SAMD7: variants seen among roughly 807,000 people sequenced by gnomAD.
The protein encoded by SAMD7 is sterile alpha motif domain-containing protein 7.
Under a neutral mutation model 36.7 loss-of-function variants are expected in SAMD7, and 34 were observed. That is an observed-to-expected ratio of 0.93 (90% confidence interval 0.71 to 1.23). The LOEUF (loss-of-function observed/expected upper bound fraction) is 1.23. Among genes scored for constraint, SAMD7 ranks in the 50% most tolerant of loss-of-function variants. The probability of loss-of-function intolerance (pLI) is 0.00; values close to 1 mark genes in which losing one functional copy is unlikely to be tolerated. For missense variants in SAMD7, 570 were observed against 546.6 expected (o/e 1.04, Z -0.43); for synonymous variants, 188 against 189.7 (o/e 0.99, Z 0.07).
chr3:169,937,992 G>A (rs1161821081), intron 8 of SAMD7, among the ~76,000 whole-genome samples: 4 of 152,126 alleles, frequency 2.6e-5, no homozygotes, highest in African/African-American at 9.7e-5. Flanking sequence ...CAAAGCCAAA[G>A]ACCTATGTCA....
intron 4 of SAMD7, among the ~76,000 whole-genome samples, chr3:169,923,959 A>G (rs1050480471): frequency 6.6e-6 from 1 of 152,236 alleles, no homozygotes; most frequent in Non-Finnish European, 1.5e-5. Context: ...TCTTGAGACC[A>G]GACCTCAGAG....
chr3:169,928,014 T>A lies in SAMD7; in HGVS notation c.920-443T>A, dbSNP rs1455896915. ...CTCCTTTAGATAAAAAAAAATATATTTTAAGACACAGGGATTGTGAAGGGC... is the reference window on the plus strand; with the variant it reads ...CTCCTTTAGATAAAAAAAAATATATATTAAGACACAGGGATTGTGAAGGGC... On this transcript the variant is annotated intron_variant, in intron 6 of 8. Transcript: ENST00000335556. 9.2e-5 allele frequency among the ~76,000 whole-genome samples: 14 copies of A among 152,298 alleles called. 1 individual carries two copies. The South Asian group carries it at 2.9e-3, about 32-fold the overall frequency.
rs374151168 is a variant in SAMD7, at chr3:169,938,362, A to C, written c.1197A>C (p.Ser399=). The stretch of plus-strand genomic sequence containing the variant: ...GTATGTTCTACAAGAAAACTCTTTC[A>C]TTTCCTATAAGACAAGCATTTGATC... ...VGSMFYKKTL[S]FPIRQAFDQP... The change falls in exon 9 of 9, where the codon TCA becomes TCC. Residue 399 remains serine (S), a synonymous_variant. Coordinates refer to ENST00000335556, the MANE Select transcript of SAMD7 (RefSeq NM_001304366.2). 22 of 1,612,516 alleles carry C rather than the reference A, an allele frequency of 1.4e-5. No individual in the cohort carries two copies. The highest frequency in any genetic ancestry group is 1.9e-5 in the Non-Finnish European group (22 of 1,178,792).
intron 6 of SAMD7, among the ~76,000 whole-genome samples, chr3:169,928,206 T>C (rs1163344732): frequency 1.3e-5 from 2 of 152,214 alleles, no homozygotes; most frequent in Non-Finnish European, 2.9e-5. Flanking sequence ...ATTTCTGTTG[T>C]AATCTGAGAG....
At position 169,928,592 on chromosome 3, in the gene SAMD7, T is replaced by C; in HGVS notation, c.1041+14T>C. 1 of 1,611,020 alleles carries C rather than the reference T, an allele frequency of 6.2e-7. No individual in the cohort carries two copies. Among genetic ancestry groups the C allele is most frequent in the East Asian group, 2.2e-5 (1 of 44,834 alleles). On this transcript the variant is annotated intron_variant, in intron 7 of 8. Transcript: ENST00000335556. ...GACTATGCTCAGGTGACTTAATGTTTAAGTATTTCCATACAAGAAAAACAG... is the reference window on the plus strand; with the variant it reads ...GACTATGCTCAGGTGACTTAATGTTCAAGTATTTCCATACAAGAAAAACAG...
At chr3:169,932,830 C>T in intron 7 of SAMD7, 1 of 590,602 alleles carries the variant, frequency 1.7e-6, no homozygotes, top group South Asian at 1.5e-5. Context: ...GCCTGGACAC[C>T]ATTAACACAG....
At chr3:169,920,035 A>G (rs1216718845) in intron 3 of SAMD7, among the ~76,000 whole-genome samples, 4 of 152,112 alleles carry the variant, frequency 2.6e-5, no homozygotes, top group Non-Finnish European at 5.9e-5. Flanking sequence ...TTAGCCAGAC[A>G]TGGTGGTGCA....
intron 7 of SAMD7, chr3:169,933,197 T>G (rs1713586347): frequency 2.9e-6 from 2 of 686,676 alleles, no homozygotes; most frequent in Admixed American, 2.0e-5. Context: ...GGATGGACAC[T>G]GTATGGTAGA....
rs148690230 is a variant in SAMD7, at chr3:169,912,399, A to G, written c.-117+578A>G. Among the ~76,000 whole-genome samples, 87 of 152,342 alleles carry G rather than the reference A, an allele frequency of 5.7e-4. No individual in the cohort carries two copies. In the South Asian group the frequency reaches 0.018, roughly 31 times the overall value. ...AGACTATCTAACTAAAACACCTACT[A>G]TTCAGTTCCATTATATGAGTACTGC... On this transcript the variant is annotated intron_variant, in intron 1 of 8. Transcript: ENST00000335556.
At chr3:169,923,946 G>T (rs546345821) in intron 4 of SAMD7, among the ~76,000 whole-genome samples, 9 of 152,208 alleles carry the variant, frequency 5.9e-5, no homozygotes, top group Non-Finnish European at 1.3e-4. Context: ...ATGGGAGAAG[G>T]TTTCTTGAGA....
chr3:169,922,436 G>A (rs1040914992), intron 4 of SAMD7, among the ~76,000 whole-genome samples: 20 of 152,168 alleles, frequency 1.3e-4, no homozygotes, highest in Non-Finnish European at 5.9e-5. Context: ...CAGGAAGAAA[G>A]TGTGGAATGA....
intron 2 of SAMD7, among the ~76,000 whole-genome samples, chr3:169,915,727 G>A (rs1159098395): frequency 6.6e-6 from 1 of 151,434 alleles, no homozygotes; most frequent in African/African-American, 2.4e-5. Context: ...TGGGACTACA[G>A]GCGCCACACC....
Position 169,934,620 on chromosome 3 carries a change from G to A in SAMD7, c.1042-1719G>A, listed in dbSNP as rs183631228. ...AGAATCTGTGCTTTTGTGGGTGGGG[G>A]ACACGGTAATTGTGGGACTCTGCAT... On this transcript the variant is annotated intron_variant, in intron 7 of 8. Transcript: ENST00000335556. Among the ~76,000 whole-genome samples the A allele has an allele frequency of 6.1e-3, 932 of 152,272 alleles. 6 individuals are homozygous for A. Among genetic ancestry groups the A allele is most frequent in the Non-Finnish European group, 9.4e-3 (641 of 68,010 alleles).
chr3:169,925,210 A>G (rs1185749298), intron 5 of SAMD7, 74 bp downstream of exon 5: 5 of 927,788 alleles, frequency 5.4e-6, no homozygotes, highest in Non-Finnish European at 8.5e-6. Context: ...ATCTTCATAT[A>G]ACAAATGAAT....
rs1470854460 is a variant in SAMD7, at chr3:169,926,762, C to T, written c.500C>T (p.Ala167Val). 18 of 1,613,762 alleles carry T rather than the reference C, an allele frequency of 1.1e-5. No homozygotes were observed. The highest frequency in any genetic ancestry group is 4.0e-5 in the African/African-American group (3 of 74,810). The change falls in exon 6 of 9, where the codon GCG becomes GTG. Residue 167 changes from alanine to valine, a missense_variant. Transcript: ENST00000335556. ...AACCTTCAGGGAAACCCCATGCTAGCGGCAACTGCACCACACTTTGAGGAG... is the reference window on the plus strand; with the variant it reads ...AACCTTCAGGGAAACCCCATGCTAGTGGCAACTGCACCACACTTTGAGGAG... ...LRNLQGNPMLAATAPHFEESW... is the reference protein window; with the variant it reads ...LRNLQGNPMLVATAPHFEESW...
Position 169,938,653 on chromosome 3 carries a change from A to G in SAMD7, c.*147A>G, listed in dbSNP as rs1431197630. 3.5e-6 allele frequency: 2 copies of G among 574,696 alleles called. No homozygotes were observed. The highest frequency in any genetic ancestry group is 5.9e-5 in the East Asian group (2 of 33,994). 35.6% of individuals were successfully genotyped at this position (574,696 alleles called of 1,614,324 possible). A position where few individuals can be genotyped will look rare whatever the true frequency, so the allele number is the denominator to read the frequency against. ...GGGCTTTCATGGAGGAGACTTGCCC[A>G]AGGGGCTTCCCTGCCAGGGCTGAAT... On this transcript the variant is annotated 3_prime_UTR_variant, in exon 9 of 9. Coordinates refer to ENST00000335556, the MANE Select transcript of SAMD7 (RefSeq NM_001304366.2).
At chr3:169,911,866 A>C (rs1712614603) in intron 1 of SAMD7, 45 bp downstream of exon 1, 1 of 152,244 alleles carries the variant, frequency 6.6e-6, no homozygotes. Context: ...AATTGAGGCC[A>C]GTTACTCTGA....
intron 5 of SAMD7, chr3:169,926,314 G>C (rs183002604): frequency 7.1e-7 from 1 of 1,398,922 alleles, no homozygotes; most frequent in Non-Finnish European, 9.4e-7. Flanking sequence ...AATTTGCCTC[G>C]TCTGTTTAAA....
chr3:169,935,191 TGAGGCAG>T (rs2108266481), intron 7 of SAMD7, among the ~76,000 whole-genome samples: 1 of 152,284 alleles, frequency 6.6e-6, no homozygotes, highest in East Asian at 1.9e-4. Context: ...GTGAGAGACA[TGAGGCAG>T]CATTTGGAAA....
Sources: allele counts gnomAD v4.1 joint callset (sites outside exome capture counted in the v4.1 genomes callset), GRCh38; gene constraint gnomAD v4.1.1; transcripts MANE v1.5; gene names NCBI Gene and HGNC (gene_info 2026-07-23, HGNC 2026-07-21).